The following CEP89 variants were observed in gnomAD, a reference collection of about 807,000 sequenced individuals.
The protein encoded by CEP89 is centrosomal protein 89.
CEP89 carries 95 observed loss-of-function variants against 97.6 expected under a neutral mutation model. The ratio of observed to expected loss-of-function variants is 0.97; its 90% CI spans 0.82 to 1.15. The LOEUF is 1.15. Ranked by LOEUF, CEP89 falls within the 50% of genes most tolerant of loss-of-function variation. The pLI, the probability that CEP89 is intolerant of heterozygous loss-of-function variation, is 0.00. For synonymous variants in CEP89, 354 were observed against 349.1 expected (o/e 1.01, Z -0.16); for missense variants, 869 against 947.7 (o/e 0.92, Z 1.09).
At chr19:32,918,888 T>C (rs1300000796) in intron 12 of CEP89, among the ~76,000 whole-genome samples, 5 of 145,656 alleles carry the variant, frequency 3.4e-5, no homozygotes, top group East Asian at 3.9e-4. Flanking sequence ...CTTTTTCTTT[T>C]TTTTTTTTTT....
chr19:32,888,256 G>A (rs1053147930), intron 16 of CEP89, among the ~76,000 whole-genome samples: 6 of 152,192 alleles, frequency 3.9e-5, no homozygotes, highest in African/African-American at 1.4e-4. Flanking sequence ...AATGCACAAT[G>A]CCGTTTCTCC....
At chr19:32,916,662 C>A (rs1970132816) in intron 13 of CEP89, among the ~76,000 whole-genome samples, 1 of 152,204 alleles carries the variant, frequency 6.6e-6, no homozygotes, top group African/African-American at 2.4e-5. Context: ...CCGACACTAG[C>A]ACTTAGAGGT....
intron 14 of CEP89, among the ~76,000 whole-genome samples, chr19:32,905,859 C>T (rs1264960287): frequency 1.3e-5 from 2 of 152,176 alleles, no homozygotes; most frequent in Non-Finnish European, 2.9e-5. Flanking sequence ...GCTGGGATTA[C>T]AGACGGTAAG....
chr19:32,924,032 G>A (rs1202100326), intron 11 of CEP89, among the ~76,000 whole-genome samples: 1 of 148,418 alleles, frequency 6.7e-6, no homozygotes, highest in Non-Finnish European at 1.5e-5. Context: ...TTGAGACAGG[G>A]TCTCGCTCTG....
intron 4 of CEP89, among the ~76,000 whole-genome samples, chr19:32,950,017 G>A (rs927884548): frequency 2.7e-5 from 4 of 149,752 alleles, no homozygotes; most frequent in East Asian, 2.0e-4. Context: ...AAATGGCCCC[G>A]TACTTTTTTT....
chr19:32,955,863 AC>A (rs1270514838), intron 3 of CEP89, among the ~76,000 whole-genome samples: 2 of 152,056 alleles, frequency 1.3e-5, no homozygotes, highest in African/African-American at 4.8e-5. Context: ...GTGTCTACAT[AC>A]ATACTGCACA....
chr19:32,927,153 C>CATCT lies in CEP89; in HGVS notation c.1030-170_1030-169insAGAT, dbSNP rs1359582775. On this transcript the variant is annotated intron_variant, in intron 9 of 18. Coordinates refer to ENST00000305768, the MANE Select transcript of CEP89 (RefSeq NM_032816.5). ...CTACCCATCCATCCATCCATCCATC[C>CATCT]ATCCATCCATCTATCCATCCATCCA... Among the ~76,000 whole-genome samples the CATCT allele has an allele frequency of 7.2e-5, 11 of 151,884 alleles. No homozygotes were observed. In the East Asian group the frequency reaches 2.1e-3, roughly 29 times the overall value.
chr19:32,887,771 T>C lies in CEP89; in HGVS notation c.1946A>G (p.Lys649Arg), dbSNP rs747196175. The part of the protein sequence containing the change: ...KVIKSNIRLG[K>R]LEEKVKGYKK... ...ACTTACCTTGACTTTTTCCTCTAACTTTCCCAGGCGAATGTTGCTTTTTAT... is the reference window on the plus strand; with the variant it reads ...ACTTACCTTGACTTTTTCCTCTAACCTTCCCAGGCGAATGTTGCTTTTTAT... Residue 649 changes from lysine (K) to arginine (R), a missense_variant, in exon 17 of 19, where the codon AAG becomes AGG. Lys to Arg is a conservative substitution (Grantham distance 26). Coordinates refer to ENST00000305768, the MANE Select transcript of CEP89 (RefSeq NM_032816.5). The C allele has an allele frequency of 1.9e-6, 3 of 1,612,016 alleles. No homozygotes were observed. The highest frequency in any genetic ancestry group is 2.5e-6 in the Non-Finnish European group (3 of 1,178,050).
chr19:32,970,405 C>G (rs1971374919), intron 1 of CEP89: 1 of 151,996 alleles, frequency 6.6e-6, no homozygotes, highest in East Asian at 1.9e-4. Context: ...CCTGTAATCC[C>G]AACACTCTGG....
intron 2 of CEP89, among the ~76,000 whole-genome samples, chr19:32,961,308 C>T (rs1478710300): frequency 6.6e-6 from 1 of 151,654 alleles, no homozygotes; most frequent in African/African-American, 2.4e-5. Context: ...CAGTGGCTCA[C>T]ATCTGTAATC....
At chr19:32,964,139 G>A (rs1051786082) in intron 2 of CEP89, among the ~76,000 whole-genome samples, 1 of 152,014 alleles carries the variant, frequency 6.6e-6, no homozygotes, top group Non-Finnish European at 1.5e-5. Flanking sequence ...ATATTTACCC[G>A]AGAAATGAAA....
At chr19:32,951,532 T>TACACAC (rs1227138116) in intron 4 of CEP89, among the ~76,000 whole-genome samples, 3,948 of 112,146 alleles carry the variant, frequency 0.035, 58 homozygotes, top group Non-Finnish European at 0.042. Flanking sequence ...TATATATATA[T>TACACAC]ATACACACAC....
chr19:32,917,616 T>C (rs1226715920), intron 13 of CEP89, among the ~76,000 whole-genome samples: 1 of 152,192 alleles, frequency 6.6e-6, no homozygotes, highest in Non-Finnish European at 1.5e-5. Context: ...CCACTATCTT[T>C]TGTACTCATG....
At chr19:32,946,260 C>T (rs1379049468) in intron 5 of CEP89, among the ~76,000 whole-genome samples, 2 of 152,084 alleles carry the variant, frequency 1.3e-5, no homozygotes, top group Non-Finnish European at 2.9e-5. Flanking sequence ...AGCCACCATG[C>T]GCAGCTCCCA....
rs563915248 is a variant in CEP89, at chr19:32,881,934, T to C, written c.2045A>G (p.Lys682Arg). Reference protein sequence around the residue: ...LLEQQEDFAGKTAQYRQEMRH... With the variant: ...LLEQQEDFAGRTAQYRQEMRH... ...CATCTCCTGCCGGTACTGGGCTGTC[T>C]TGCCGGCGAAGTCCTCCTGCTGCTC... Residue 682 changes from lysine to arginine, a missense_variant, in exon 18 of 19, where the codon AAG (lysine) becomes AGG (arginine). By Grantham distance (26) the Lys-to-Arg change is conservative (BLOSUM62 2). Transcript: ENST00000305768. 4.4e-6 allele frequency: 7 copies of C among 1,601,686 alleles called. No homozygotes were observed. The East Asian group carries it at 1.1e-4, about 26-fold the overall frequency.
intron 18 of CEP89, 73 bp from the exon 19 acceptor site, chr19:32,879,451 G>C: frequency 7.8e-7 from 1 of 1,288,398 alleles, no homozygotes; most frequent in African/African-American, 1.5e-5. Context: ...AAAGTAGCAA[G>C]AACTCAAAAC....
intron 11 of CEP89, among the ~76,000 whole-genome samples, chr19:32,924,084 C>T (rs1970308253): frequency 6.6e-6 from 1 of 150,842 alleles, no homozygotes; most frequent in South Asian, 2.1e-4. Context: ...CAGCTCACTG[C>T]AGCCTCAACC....
At chr19:32,900,243 T>A (rs1969735818) in intron 15 of CEP89, among the ~76,000 whole-genome samples, 1 of 109,722 alleles carries the variant, frequency 9.1e-6, no homozygotes, top group African/African-American at 3.6e-5. Flanking sequence ...AATGAATAGG[T>A]TCATTTTTTT....
intron 13 of CEP89, chr19:32,917,843 TAG>T (rs1341842273): frequency 3.1e-6 from 3 of 974,102 alleles, no homozygotes; most frequent in African/African-American, 3.5e-5. Flanking sequence ...GGGAACTGTT[TAG>T]AAAGTGAATG....
Sources: gnomAD v4.1 joint callset for allele counts (sites outside exome capture counted in the v4.1 genomes callset) on GRCh38, gnomAD v4.1.1 for gene constraint, MANE v1.5 for transcripts, NCBI Gene and HGNC (gene_info 2026-07-23, HGNC 2026-07-21) for gene names.